The following MAP3K15 variants were observed in gnomAD, a reference collection of about 807,000 sequenced individuals.
MAP3K15 encodes MAPK/ERK kinase kinase 15.
A neutral mutation model predicts 99.5 loss-of-function variants in MAP3K15; 124 were observed. That is an observed-to-expected ratio of 1.25 (90% CI 1.08 to 1.45). The LOEUF is 1.45. Ranked by LOEUF, MAP3K15 falls within the 40% of genes most tolerant of loss-of-function variation. MAP3K15 has a pLI of 0.00. For synonymous variants in MAP3K15, 494 were observed against 439.6 expected (o/e 1.12, Z -1.55); for missense variants, 1,242 against 1,079.7 (o/e 1.15, Z -2.11).
intron 18 of MAP3K15, among the ~76,000 whole-genome samples, chrX:19,390,136 C>T (rs780137439): frequency 1.9e-4 from 21 of 110,099 alleles, no homozygotes; most frequent in African/African-American, 4.3e-4. Context: ...GGCTGACACG[C>T]GACAACTCTC....
At chrX:19,480,438 C>A (rs774188703) in intron 3 of MAP3K15, among the ~76,000 whole-genome samples, 107 of 111,087 alleles carry the variant, frequency 9.6e-4, no homozygotes, top group African/African-American at 3.2e-3. Context: ...TGTGATTGCA[C>A]TACTGCACCA....
chrX:19,375,812 G>A (rs755871067), intron 19 of MAP3K15, among the ~76,000 whole-genome samples: 2 of 112,534 alleles, frequency 1.8e-5, no homozygotes, highest in South Asian at 7.3e-4. Flanking sequence ...TCACGGCCAT[G>A]TGCTGTTTCC....
chrX:19,398,450 A>C (rs1286139710), intron 14 of MAP3K15, 91 bp from the exon 15 acceptor site: 2 of 956,094 alleles, frequency 2.1e-6, no homozygotes, highest in African/African-American at 3.9e-5. Context: ...CAACTAAAAA[A>C]AATATAAATA....
At chrX:19,381,598 C>T (rs1015991905) in intron 18 of MAP3K15, among the ~76,000 whole-genome samples, 4 of 111,654 alleles carry the variant, frequency 3.6e-5, no homozygotes, top group Non-Finnish European at 7.5e-5. Flanking sequence ...GGGGAACAAG[C>T]GATGTCTGAC....
intron 9 of MAP3K15, among the ~76,000 whole-genome samples, chrX:19,417,158 T>A: frequency 8.9e-6 from 1 of 111,797 alleles, no homozygotes; most frequent in East Asian, 2.8e-4. Flanking sequence ...CCAACTGAGG[T>A]ACCAGGTACA....
At chrX:19,429,535 G>C in intron 7 of MAP3K15, among the ~76,000 whole-genome samples, 2 of 110,199 alleles carry the variant, frequency 1.8e-5, no homozygotes, top group East Asian at 5.8e-4. Flanking sequence ...TTGTGGAGAA[G>C]AGTAAATGAC....
intron 6 of MAP3K15, among the ~76,000 whole-genome samples, chrX:19,447,995 G>A (rs923281806): frequency 2.1e-4 from 22 of 106,546 alleles, no homozygotes; most frequent in African/African-American, 7.3e-4. Context: ...ATGAACGCAT[G>A]TGAAGTCTCT....
intron 15 of MAP3K15, among the ~76,000 whole-genome samples, chrX:19,396,699 C>T (rs2063569654): frequency 9.0e-6 from 1 of 110,928 alleles, no homozygotes; most frequent in African/African-American, 3.3e-5. Flanking sequence ...AAAACTCATC[C>T]CCAATATATC....
At chrX:19,420,520 G>A (rs1165394480) in intron 9 of MAP3K15, among the ~76,000 whole-genome samples, 4 of 111,426 alleles carry the variant, frequency 3.6e-5, no homozygotes, top group Non-Finnish European at 7.5e-5. Flanking sequence ...ACCAATAACA[G>A]GCTCTGAAAT....
chrX:19,460,185 C>G (rs1265857839), intron 4 of MAP3K15, 32 bp from the exon 5 acceptor site: 1 of 1,059,139 alleles, frequency 9.4e-7, no homozygotes, highest in Non-Finnish European at 1.3e-6. Flanking sequence ...ATCCTCCAGT[C>G]ACATCTGCAC....
At chrX:19,431,940 CTTTT>C (rs773036480) in intron 6 of MAP3K15, among the ~76,000 whole-genome samples, 2 of 81,057 alleles carry the variant, frequency 2.5e-5, no homozygotes, top group African/African-American at 9.2e-5. Context: ...TGAGACCCTG[CTTTT>C]TTTTTTTTTT....
chrX:19,372,130 T>TAA (rs58640460), intron 22 of MAP3K15, among the ~76,000 whole-genome samples: 1 of 83,320 alleles, frequency 1.2e-5, no homozygotes, highest in African/African-American at 4.5e-5. Context: ...TGAGACTGTC[T>TAA]AAAAAAAAAA....
chrX:19,447,883 C>CAAAAAAAAA (rs753152404), intron 6 of MAP3K15, among the ~76,000 whole-genome samples: 1,402 of 25,867 alleles, frequency 0.054, 240 homozygotes, highest in Non-Finnish European at 0.067. Context: ...GACTCCGTCT[C>CAAAAAAAAA]AAAAAAAAAA....
chrX:19,387,759 A>G (rs369152339), intron 18 of MAP3K15, among the ~76,000 whole-genome samples: 1 of 111,999 alleles, frequency 8.9e-6, no homozygotes, highest in Non-Finnish European at 1.9e-5. Context: ...AAAATAAAGA[A>G]AAAAGAAAAG....
intron 3 of MAP3K15, among the ~76,000 whole-genome samples, chrX:19,486,115 C>T (rs983577593): frequency 9.0e-6 from 1 of 111,454 alleles, no homozygotes; most frequent in Non-Finnish European, 1.9e-5. Context: ...ATTAGGGAAA[C>T]TCTGCTTGGG....
At chrX:19,389,226 T>C (rs1305248654) in intron 18 of MAP3K15, among the ~76,000 whole-genome samples, 2 of 107,050 alleles carry the variant, frequency 1.9e-5, no homozygotes, top group South Asian at 4.2e-4. Flanking sequence ...CTCAGTAAAT[T>C]TACTGAAAAC....
rs144723219 is a variant in MAP3K15, at chrX:19,394,789, CTTTTTTTTTTTTTTTTTTT to C, written c.2194+273_2194+291del. ...TTTCCAACATCTAAAGGGTCTGTTG[CTTTTTTTTTTTTTTTTTTT>C]TTTTTTTTTTTTTTTTTTTTTTTTT... is the stretch of plus-strand genomic sequence containing the variant. On this transcript the variant is annotated intron_variant, in intron 16 of 28. Coordinates refer to ENST00000338883, the MANE Select transcript of MAP3K15 (RefSeq NM_001001671.4). Among the ~76,000 whole-genome samples the C allele has an allele frequency of 4.6e-3, 80 of 17,521 alleles. 1 individual carries two copies. Among genetic ancestry groups the C allele is most frequent in the East Asian group, 9.8e-3 (3 of 306 alleles). 15.2% of individuals were successfully genotyped at this position (17,521 alleles called of 115,157 possible).
chrX:19,362,068 A>G (rs1215235711), intron 26 of MAP3K15, among the ~76,000 whole-genome samples: 3 of 110,473 alleles, frequency 2.7e-5, no homozygotes, highest in African/African-American at 6.6e-5. Flanking sequence ...TAGGTGTCCA[A>G]TGTGCTATGA....
chrX:19,485,869 C>A (rs2064321767), intron 3 of MAP3K15, among the ~76,000 whole-genome samples: 1 of 111,196 alleles, frequency 9.0e-6, no homozygotes, highest in Non-Finnish European at 1.9e-5. Context: ...ATAACCTTGG[C>A]AACATTTCCA....
Sources: gnomAD v4.1 joint callset for allele counts (sites outside exome capture counted in the v4.1 genomes callset) on GRCh38, gnomAD v4.1.1 for gene constraint, MANE v1.5 for transcripts, NCBI Gene and HGNC (gene_info 2026-07-23, HGNC 2026-07-21) for gene names.